DIP2A: variants seen among roughly 807,000 people sequenced by gnomAD.
DIP2A encodes disco-interacting protein 2 homolog A.
A neutral mutation model predicts 177.4 loss-of-function variants in DIP2A; 85 were observed. The observed-to-expected ratio is 0.48, with a 90% CI of 0.40 to 0.57. DIP2A has a LOEUF of 0.57. DIP2A is among the 20% of genes least tolerant of loss of function. The probability of loss-of-function intolerance (pLI) is 0.00; values close to 1 mark genes in which losing one functional copy is unlikely to be tolerated. For synonymous variants in DIP2A, 886 were observed against 881.8 expected (o/e 1.00, Z -0.08); for missense variants, 1,791 against 2,100.2 (o/e 0.85, Z 2.88).
chr21:46,550,594 G>A lies in DIP2A; in HGVS notation c.2689G>A (p.Ala897Thr). 6.2e-7 allele frequency: 1 copy of A among 1,613,688 alleles called. No individual in the cohort carries two copies. The highest frequency in any genetic ancestry group is 8.5e-7 in the Non-Finnish European group (1 of 1,179,830). ...VGVYCLALVP[A>T]NTLPKAPLGG... ...CGTGTACTGTCTGGCCCTGGTTCCT[G>A]CCAACACCTTGCCCAAGGCTCCTCT... is the stretch of plus-strand genomic sequence containing the variant. The change falls in exon 23 of 38, where the codon GCC (alanine) becomes ACC (threonine). Residue 897 changes from alanine (A) to threonine (T), a missense_variant. By Grantham distance (58) the Ala-to-Thr change is moderately conservative. Coordinates refer to ENST00000417564, the MANE Select transcript of DIP2A (RefSeq NM_015151.4).
chr21:46,485,497 G>A (rs541686488), intron 2 of DIP2A, among the ~76,000 whole-genome samples: 3 of 152,220 alleles, frequency 2.0e-5, no homozygotes, highest in Non-Finnish European at 4.4e-5. Context: ...ATCCATATAT[G>A]AAACACATGA....
chr21:46,550,810 G>A lies in DIP2A; in HGVS notation c.2839+66G>A, dbSNP rs974380522. 3.2e-6 allele frequency: 5 copies of A among 1,541,426 alleles called. No individual in the cohort carries two copies. The Admixed American group carries it at 7.2e-5, about 22-fold the overall frequency. On this transcript the variant is annotated intron_variant, in intron 23 of 37. Coordinates refer to ENST00000417564, the MANE Select transcript of DIP2A (RefSeq NM_015151.4). Reference sequence around the variant, plus strand: ...GTGGTAACAGCGGTGCTTGTGGTTAGGGTGCGGCCCTGCTAGACCTCCAGT... The same window carrying A: ...GTGGTAACAGCGGTGCTTGTGGTTAAGGTGCGGCCCTGCTAGACCTCCAGT...
chr21:46,483,109 C>T (rs1424258074), intron 1 of DIP2A, among the ~76,000 whole-genome samples: 1 of 151,950 alleles, frequency 6.6e-6, no homozygotes, highest in Non-Finnish European at 1.5e-5. Context: ...CGGGTCAGTG[C>T]AGTGAATCAG....
chr21:46,550,392 A>G (rs2060227243), intron 22 of DIP2A, 151 bp from the exon 23 acceptor site: 1 of 719,998 alleles, frequency 1.4e-6, no homozygotes, highest in Non-Finnish European at 2.3e-6. Flanking sequence ...ACTTCTCTTC[A>G]TCTTGTTTCC....
At chr21:46,522,614 G>A (rs2058871538) in intron 8 of DIP2A, among the ~76,000 whole-genome samples, 1 of 152,176 alleles carries the variant, frequency 6.6e-6, no homozygotes, top group Admixed American at 6.5e-5. Context: ...AGAGAGGTGT[G>A]TATTCCCCTA....
At chr21:46,459,670 C>G (rs1056709410) in intron 1 of DIP2A, among the ~76,000 whole-genome samples, 2 of 151,240 alleles carry the variant, frequency 1.3e-5, no homozygotes, top group Admixed American at 1.3e-4. Context: ...CGCGGCCCCT[C>G]AAACCAGGGA....
intron 31 of DIP2A, 120 bp from the exon 32 acceptor site, chr21:46,558,103 A>T: frequency 9.9e-7 from 1 of 1,005,440 alleles, no homozygotes; most frequent in Non-Finnish European, 1.4e-6. Flanking sequence ...GCCTGCGGAG[A>T]GGAGGTTGGT....
chr21:46,492,180 G>A (rs2057051471), intron 3 of DIP2A, among the ~76,000 whole-genome samples: 1 of 152,082 alleles, frequency 6.6e-6, no homozygotes, highest in Non-Finnish European at 1.5e-5. Flanking sequence ...GTAAGTACAA[G>A]GTATGAATCA....
At chr21:46,463,587 G>A (rs2054508552) in intron 1 of DIP2A, among the ~76,000 whole-genome samples, 1 of 152,006 alleles carries the variant, frequency 6.6e-6, no homozygotes, top group East Asian at 1.9e-4. Flanking sequence ...AAAATGAAAA[G>A]GGGGAAAAAA....
intron 8 of DIP2A, among the ~76,000 whole-genome samples, chr21:46,522,291 A>G (rs2058856281): frequency 6.6e-6 from 1 of 152,244 alleles, no homozygotes; most frequent in Non-Finnish European, 1.5e-5. Context: ...ATAACATGTA[A>G]ATAGACAGAA....
chr21:46,487,546 GATA>G (rs929213727), intron 2 of DIP2A, among the ~76,000 whole-genome samples: 6 of 152,148 alleles, frequency 3.9e-5, no homozygotes, highest in African/African-American at 7.2e-5. Context: ...GAGAACAAAA[GATA>G]ATCATCTTTA....
intron 7 of DIP2A, among the ~76,000 whole-genome samples, chr21:46,510,547 C>G (rs1722774140): frequency 6.6e-6 from 1 of 151,804 alleles, no homozygotes; most frequent in South Asian, 2.1e-4. Context: ...TTATACAGCT[C>G]CTAGAAAAAG....
Position 46,529,089 on chromosome 21 carries a change from T to C in DIP2A, c.1103-3T>C, listed in dbSNP as rs1238889442. 1 of 1,485,546 alleles carries C rather than the reference T, an allele frequency of 6.7e-7. No individual in the cohort carries two copies. Among genetic ancestry groups the C allele is most frequent in the East Asian group, 2.5e-5 (1 of 39,670 alleles). The allele number at this position is 1,485,546 out of a possible 1,614,324, so 92.0% of individuals were successfully genotyped here. A position where few individuals can be genotyped will look rare whatever the true frequency, so the allele number is the denominator to read the frequency against. On this transcript the variant is annotated splice_polypyrimidine_tract_variant and splice_region_variant and intron_variant, in intron 8 of 37. Coordinates refer to ENST00000417564, the MANE Select transcript of DIP2A (RefSeq NM_015151.4). ...ATTGCTTAGTATTTTTATTTTGTTT[T>C]AGGTAAACTTTGGAGTCGGAGTTTA...
intron 6 of DIP2A, among the ~76,000 whole-genome samples, chr21:46,507,327 A>G (rs1983751126): frequency 6.6e-6 from 1 of 152,178 alleles, no homozygotes; most frequent in Admixed American, 6.5e-5. Flanking sequence ...ATTTTCTTCC[A>G]GAATTTTATA....
At chr21:46,494,681 C>T (rs2057207212) in intron 3 of DIP2A, among the ~76,000 whole-genome samples, 1 of 152,222 alleles carries the variant, frequency 6.6e-6, no homozygotes, top group Non-Finnish European at 1.5e-5. Context: ...TGGCCTCCTC[C>T]AATGGCAACC....
At chr21:46,481,134 C>T (rs1322521134) in intron 1 of DIP2A, among the ~76,000 whole-genome samples, 1 of 152,188 alleles carries the variant, frequency 6.6e-6, no homozygotes, top group East Asian at 1.9e-4. Flanking sequence ...TATCCCTTTG[C>T]AGTCTCCCGG....
In DIP2A at chr21:46,567,819, AC is replaced by A. The variant is rs1239953288; in HGVS notation, c.*198del. 1 of 601,846 alleles carries A rather than the reference AC, an allele frequency of 1.7e-6. No individual in the cohort carries two copies. Among genetic ancestry groups the A allele is most frequent in the African/African-American group, 1.9e-5 (1 of 52,984 alleles). 37.3% of individuals were successfully genotyped at this position (601,846 alleles called of 1,614,324 possible). ...AAGAAATATTTTGAATCTGCCAAGTACATTTACAAAAACACGGATGCTGGTA... is the reference window on the plus strand; with the variant it reads ...AAGAAATATTTTGAATCTGCCAAGTAATTTACAAAAACACGGATGCTGGTA... On this transcript the variant is annotated 3_prime_UTR_variant, in exon 38 of 38. Coordinates refer to ENST00000417564, the MANE Select transcript of DIP2A (RefSeq NM_015151.4).
Position 46,488,736 on chromosome 21 carries a change from G to A in DIP2A, c.164-1864G>A, listed in dbSNP as rs544717669. On this transcript the variant is annotated intron_variant, in intron 2 of 37. Coordinates refer to ENST00000417564, the MANE Select transcript of DIP2A (RefSeq NM_015151.4). ...GGCACTTTTCATACATTGCTTGTAGGAGTGTGAATTACTGTAACCTTTTTG... is the reference window on the plus strand; with the variant it reads ...GGCACTTTTCATACATTGCTTGTAGAAGTGTGAATTACTGTAACCTTTTTG... Among the ~76,000 whole-genome samples, 4 of 152,314 alleles carry A rather than the reference G, an allele frequency of 2.6e-5. No homozygotes were observed. The South Asian group carries it at 8.3e-4, about 32-fold the overall frequency.
chr21:46,496,554 A>G (rs935864742), intron 3 of DIP2A, among the ~76,000 whole-genome samples: 5 of 152,328 alleles, frequency 3.3e-5, no homozygotes, highest in African/African-American at 1.2e-4. Flanking sequence ...ACTAACACTA[A>G]CGATAGCTGA....
Sources: allele counts gnomAD v4.1 joint callset (sites outside exome capture counted in the v4.1 genomes callset), GRCh38; gene constraint gnomAD v4.1.1; transcripts MANE v1.5; gene names NCBI Gene and HGNC (gene_info 2026-07-23, HGNC 2026-07-21).